THRAP3: variants seen among roughly 807,000 people sequenced by gnomAD.
THRAP3 encodes thyroid hormone receptor associated protein 3.
THRAP3 carries 16 observed loss-of-function variants against 101.0 expected under a neutral mutation model. The observed-to-expected ratio is 0.16, with a 90% CI of 0.11 to 0.24. The LOEUF is 0.24. Among genes scored for constraint, THRAP3 ranks in the 10% least tolerant of loss-of-function variants. The probability of loss-of-function intolerance (pLI) is 1.00; values close to 1 mark genes in which losing one functional copy is unlikely to be tolerated. For synonymous variants in THRAP3, 407 were observed against 422.6 expected (o/e 0.96, Z 0.45); for missense variants, 989 against 1,202.7 (o/e 0.82, Z 2.63).
chr1:36,291,357 C>G lies in THRAP3; in HGVS notation c.1746-17C>G. On this transcript the variant is annotated splice_polypyrimidine_tract_variant and intron_variant, in intron 5 of 11. Coordinates refer to ENST00000354618, the MANE Select transcript of THRAP3 (RefSeq NM_005119.4). Reference sequence around the variant, plus strand: ...TGTATTGTGTTCTAATTGGGCCTCCCCATATTTCTTTTTCAGACCCAGTGG... The same window carrying G: ...TGTATTGTGTTCTAATTGGGCCTCCGCATATTTCTTTTTCAGACCCAGTGG... 6.2e-7 allele frequency: 1 copy of G among 1,611,230 alleles called. No homozygotes were observed. Among genetic ancestry groups the G allele is most frequent in the Non-Finnish European group, 8.5e-7 (1 of 1,178,932 alleles).
Position 36,243,537 on chromosome 1 carries a change from C to T in THRAP3, c.-134-15845C>T, listed in dbSNP as rs564094388. Among the ~76,000 whole-genome samples the T allele has an allele frequency of 2.2e-4, 33 of 152,322 alleles. No homozygotes were observed. The East Asian group carries it at 6.4e-3, about 29-fold the overall frequency. ...GGGCAAGGTCACAGATCAACAGGAT[C>T]CCAAGGCAGAAGAACTTCTCTTAGC... is the stretch of plus-strand genomic sequence containing the variant. On this transcript the variant is annotated intron_variant, in intron 1 of 11. Transcript: ENST00000354618.
At chr1:36,212,418 C>CTTTTTTTT in the THRAP3 span, among the ~76,000 whole-genome samples, 122 of 122,002 alleles carry the variant, frequency 1.0e-3, no homozygotes, top group African/African-American at 1.2e-3. Context: ...TTCTTTCTTT[C>CTTTTTTTT]TTTTTTTTTT....
intron 1 of THRAP3, among the ~76,000 whole-genome samples, chr1:36,229,426 T>TG (rs1345812336): frequency 1.0e-5 from 1 of 97,088 alleles, no homozygotes; most frequent in African/African-American, 3.5e-5. Context: ...TTTTTTTGTT[T>TG]TTTTTTTTTT....
At chr1:36,250,045 G>A (rs995736921) in intron 1 of THRAP3, among the ~76,000 whole-genome samples, 6 of 151,970 alleles carry the variant, frequency 3.9e-5, no homozygotes, top group Admixed American at 6.6e-5. Context: ...CTGGTGTAAC[G>A]CCTTGGGTTA....
At position 36,282,806 on chromosome 1, in the gene THRAP3, G is replaced by T. The variant is rs370181926; in HGVS notation, c.137+106G>T. 162 of 1,350,812 alleles carry T rather than the reference G, an allele frequency of 1.2e-4. 1 individual carries two copies. The East Asian group carries it at 2.3e-3, about 19-fold the overall frequency. 83.7% of individuals were successfully genotyped at this position (1,350,812 alleles called of 1,614,324 possible). A position where few individuals can be genotyped will look rare whatever the true frequency, so the allele number is the denominator to read the frequency against. On this transcript the variant is annotated intron_variant, in intron 3 of 11. Coordinates refer to ENST00000354618, the MANE Select transcript of THRAP3 (RefSeq NM_005119.4). ...TCCTGTGAGTGTCAAATGGACTGGG[G>T]GGTTGGCTTGAGGTGCAGGGTTGGG...
At chr1:36,280,035 A>G (rs760818489) in intron 2 of THRAP3, among the ~76,000 whole-genome samples, 1 of 152,166 alleles carries the variant, frequency 6.6e-6, no homozygotes, top group Non-Finnish European at 1.5e-5. Flanking sequence ...ATGTAATCCT[A>G]GCACTTTGGG....
chr1:36,242,795 T>C (rs1645178121), intron 1 of THRAP3, among the ~76,000 whole-genome samples: 1 of 152,246 alleles, frequency 6.6e-6, no homozygotes, highest in Non-Finnish European at 1.5e-5. Context: ...TGTCAGTCTT[T>C]ACCTTTATGG....
At chr1:36,212,418 CTTTTTTT>C in the THRAP3 span, among the ~76,000 whole-genome samples, 9 of 122,030 alleles carry the variant, frequency 7.4e-5, no homozygotes, top group South Asian at 5.2e-4. Context: ...TTCTTTCTTT[CTTTTTTT>C]TTTTTTTTTT....
At chr1:36,301,193 C>T (rs1354843722) in intron 10 of THRAP3, 109 bp downstream of exon 10, 7 of 1,128,400 alleles carry the variant, frequency 6.2e-6, no homozygotes, top group Non-Finnish European at 6.2e-6. Context: ...TAATCCAATC[C>T]AAAGACCCTG....
In THRAP3 at chr1:36,286,307, T is replaced by C; in HGVS notation, c.138-61T>C. 6.7e-7 allele frequency: 1 copy of C among 1,488,910 alleles called. No homozygotes were observed. Among genetic ancestry groups the C allele is most frequent in the East Asian group, 2.3e-5 (1 of 43,914 alleles). The allele number at this position is 1,488,910 out of a possible 1,614,324, so 92.2% of individuals were successfully genotyped here. On this transcript the variant is annotated intron_variant, in intron 3 of 11. Coordinates refer to ENST00000354618, the MANE Select transcript of THRAP3 (RefSeq NM_005119.4). This position sits in a 1 kb window ranked among gnomAD's most constrained non-coding sequence, Gnocchi z 5.5. ...GGGCAGGGATTTCAGAACAGATTTT[T>C]CTTGAATAAAAATGCTTGTGTCAAA...
chr1:36,260,132 C>T lies in THRAP3; in HGVS notation c.-32+648C>T, dbSNP rs1479055405. ...TGGCAGGCACCTGTAATCCCAGCTA[C>T]TTGGGAGGCTGAGGCAGGAGAATCA... On this transcript the variant is annotated intron_variant, in intron 2 of 11. Transcript: ENST00000354618. 5.9e-5 allele frequency among the ~76,000 whole-genome samples: 9 copies of T among 152,184 alleles called. No homozygotes were observed. The East Asian group carries it at 9.7e-4, about 16-fold the overall frequency.
chr1:36,208,670 T>A, the THRAP3 span, among the ~76,000 whole-genome samples: 1 of 152,322 alleles, frequency 6.6e-6, no homozygotes, highest in East Asian at 1.9e-4. Context: ...ATAATAATTT[T>A]TTTTGTTTGT....
chr1:36,240,417 C>A (rs1645141576), intron 1 of THRAP3, among the ~76,000 whole-genome samples: 1 of 152,210 alleles, frequency 6.6e-6, no homozygotes, highest in African/African-American at 2.4e-5. Context: ...AGGCATCTGT[C>A]ACAGCATGAG....
intron 2 of THRAP3, among the ~76,000 whole-genome samples, chr1:36,263,243 G>T (rs1008828494): frequency 4.6e-5 from 7 of 151,978 alleles, no homozygotes; most frequent in Admixed American, 2.6e-4. Context: ...GAGACTATAG[G>T]CACAAGCCAC....
At chr1:36,225,751 C>T (rs1191725358) in intron 1 of THRAP3, among the ~76,000 whole-genome samples, 1 of 152,156 alleles carries the variant, frequency 6.6e-6, no homozygotes, top group African/African-American at 2.4e-5. Flanking sequence ...CCGGCTCCTG[C>T]CATGAACAAC....
chr1:36,265,285 T>TCTC (rs1409228914), intron 2 of THRAP3, among the ~76,000 whole-genome samples: 1 of 152,182 alleles, frequency 6.6e-6, no homozygotes, highest in African/African-American at 2.4e-5. Context: ...TAAGAAAACT[T>TCTC]TAGTTCAAAG....
intron 1 of THRAP3, chr1:36,225,545 G>A (rs187844884): frequency 1.3e-5 from 2 of 152,238 alleles, no homozygotes; most frequent in African/African-American, 2.4e-5. Flanking sequence ...CTGTTAAAAA[G>A]TAATATCATC....
At chr1:36,265,707 T>G (rs1645505479) in intron 2 of THRAP3, among the ~76,000 whole-genome samples, 2 of 152,160 alleles carry the variant, frequency 1.3e-5, no homozygotes, top group African/African-American at 4.8e-5. Context: ...GTGCAGAAAG[T>G]GCAGGTTTGT....
rs765801929 is a variant in THRAP3 at position 36,287,081 on chromosome 1, G to T, written c.851G>T (p.Gly284Val). The change falls in exon 4 of 12, where the codon GGC becomes GTC. Residue 284 changes from glycine to valine, a missense_variant. Gly to Val is a moderately radical substitution (Grantham distance 109). Transcript: ENST00000354618. The part of the protein sequence containing the change: ...SPPLSSTSQM[G>V]STLPSGAGYQ... ...CCACTTTCCAGCACATCCCAGATGG[G>T]CTCAACTCTGCCGAGTGGTGCCGGG... 1 of 1,614,058 alleles carries T rather than the reference G, an allele frequency of 6.2e-7. No homozygotes were observed. The highest frequency in any genetic ancestry group is 8.5e-7 in the Non-Finnish European group (1 of 1,179,978).
Sources: allele counts gnomAD v4.1 joint callset (sites outside exome capture counted in the v4.1 genomes callset), GRCh38; gene constraint gnomAD v4.1.1; non-coding constraint Gnocchi (gnomAD v3.1); transcripts MANE v1.5; gene names NCBI Gene and HGNC (gene_info 2026-07-23, HGNC 2026-07-21).